Variants in LCOR observed in about 807,000 individuals in gnomAD.
The protein encoded by LCOR is ligand dependent nuclear receptor corepressor.
LCOR carries 14 observed loss-of-function variants against 64.4 expected under a neutral mutation model. The observed-to-expected ratio is 0.22, with a 90% confidence interval of 0.14 to 0.34. The LOEUF (loss-of-function observed/expected upper bound fraction) is 0.34. LCOR is among the 10% of genes least tolerant of loss of function. LCOR has a pLI of 1.00. For synonymous variants in LCOR, 643 were observed against 642.5 expected, an observed-to-expected ratio of 1.00 and a Z score of -0.01; for missense variants, 1,686 against 1,765.3, an observed-to-expected ratio of 0.96 and a Z score of 0.80.
At chr10:96,968,185 T>C (rs1200524376) in intron 7 of LCOR, among the ~76,000 whole-genome samples, 6 of 152,226 alleles carry the variant, frequency 3.9e-5, no homozygotes, top group African/African-American at 1.4e-4. Context: ...GATTAAGTAC[T>C]GTTGATCCCA....
At position 96,987,633 on chromosome 10, in the gene LCOR, C is replaced by T. The variant is rs1033037909; in HGVS notation, c.*2499C>T. 1.3e-5 allele frequency: 2 copies of T among 152,130 alleles called. No homozygotes were observed. Among genetic ancestry groups the T allele is most frequent in the Admixed American group, 6.5e-5 (1 of 15,270 alleles). The allele number at this position is 152,130 out of a possible 1,614,324, so 9.4% of individuals were successfully genotyped here. ...TTTATAATAAGGACATTTAAATAGACCAAGAGTCTACATAATTATGACACT... is the reference window on the plus strand; with the variant it reads ...TTTATAATAAGGACATTTAAATAGATCAAGAGTCTACATAATTATGACACT... On this transcript the variant is annotated 3_prime_UTR_variant, in exon 8 of 8. Coordinates refer to ENST00000421806, the MANE Select transcript of LCOR (RefSeq NM_001346516.2).
At chr10:96,887,509 G>C (rs1407218863) in intron 2 of LCOR, among the ~76,000 whole-genome samples, 1 of 151,196 alleles carries the variant, frequency 6.6e-6, no homozygotes, top group Non-Finnish European at 1.5e-5. Flanking sequence ...CCTGCAGTGA[G>C]CCAAGATCAC....
At chr10:96,872,978 C>T (rs1180394923) in intron 2 of LCOR, among the ~76,000 whole-genome samples, 1 of 151,946 alleles carries the variant, frequency 6.6e-6, no homozygotes, top group Non-Finnish European at 1.5e-5. Context: ...ACCCCAAATC[C>T]CATATGCATA....
At chr10:96,842,931 C>G (rs1267652401) in intron 2 of LCOR, among the ~76,000 whole-genome samples, 1 of 152,016 alleles carries the variant, frequency 6.6e-6, no homozygotes, top group Non-Finnish European at 1.5e-5. Flanking sequence ...ATGGCCCGCC[C>G]CTAGTTTATA....
intron 2 of LCOR, among the ~76,000 whole-genome samples, chr10:96,838,670 T>C (rs1269818065): frequency 6.6e-6 from 1 of 152,240 alleles, no homozygotes; most frequent in African/African-American, 2.4e-5. Context: ...TTGTTTCTTT[T>C]ATGGCTAAAT....
chr10:96,894,801 GTTTCC>G (rs1323090936), intron 2 of LCOR, among the ~76,000 whole-genome samples: 5 of 152,142 alleles, frequency 3.3e-5, no homozygotes, highest in East Asian at 1.9e-4. Flanking sequence ...AAAGGAACCT[GTTTCC>G]TTTCAGAATC....
Position 96,984,364 on chromosome 10 carries a change from C to T in LCOR, c.3904C>T (p.Pro1302Ser). The T allele has an allele frequency of 6.2e-7, 1 of 1,614,166 alleles. No homozygotes were observed. Among genetic ancestry groups the T allele is most frequent in the Non-Finnish European group, 8.5e-7 (1 of 1,180,036 alleles). The change falls in exon 8 of 8, where the codon CCC becomes TCC. Residue 1302 changes from proline to serine, a missense_variant. Coordinates refer to ENST00000421806, the MANE Select transcript of LCOR (RefSeq NM_001346516.2). ...AAACAGTCATCCTCCAGCAAACCTG[C>T]CCACTCCAGCCAGTACCCGGATTCT... The part of the protein sequence containing the change: ...DRNSHPPANL[P>S]TPASTRILRK...
chr10:96,863,771 C>G (rs1845927695), intron 2 of LCOR, among the ~76,000 whole-genome samples: 2 of 152,282 alleles, frequency 1.3e-5, no homozygotes, highest in South Asian at 2.1e-4. Context: ...TGCTAAAATA[C>G]TTTTTCTCTA....
Position 96,982,606 on chromosome 10 carries a change from C to G in LCOR, c.2146C>G (p.Pro716Ala). ...TCAGAGTTCCCCAATGGGCTTGGAG[C>G]CCCCCATGAGTCTGGGAAAGGCTGA... ...ENQSSPMGLE[P>A]PMSLGKAEDN... is the part of the protein sequence containing the mutation. The change falls in exon 8 of 8, where the codon CCC (proline) becomes GCC (alanine). Residue 716 changes from proline (P) to alanine (A), a missense_variant. By Grantham distance (27) the Pro-to-Ala change is conservative (BLOSUM62 -1). Around this residue, in one of 3 missense-constraint regions of LCOR, gnomAD observed 1,293 missense variants for 1,410.4 expected, o/e 0.92. Coordinates refer to ENST00000421806, the MANE Select transcript of LCOR (RefSeq NM_001346516.2). 1.2e-6 allele frequency: 2 copies of G among 1,614,096 alleles called. No individual in the cohort carries two copies. Among genetic ancestry groups the G allele is most frequent in the Non-Finnish European group, 1.7e-6 (2 of 1,180,026 alleles).
At chr10:96,900,742 C>G (rs1048889272) in intron 2 of LCOR, among the ~76,000 whole-genome samples, 7 of 147,208 alleles carry the variant, frequency 4.8e-5, no homozygotes, top group Non-Finnish European at 8.9e-5. Context: ...CCCTTACCCC[C>G]CAGAGTGAAT....
intron 2 of LCOR, among the ~76,000 whole-genome samples, chr10:96,846,855 GAGA>G (rs1453426586): frequency 2.0e-5 from 3 of 152,162 alleles, no homozygotes; most frequent in African/African-American, 7.2e-5. Context: ...TTCTCCTTAG[GAGA>G]AGAACTTCTG....
At position 96,980,922 on chromosome 10, in the gene LCOR, T is replaced by C. The variant is rs1323058809; in HGVS notation, c.462T>C (p.Thr154=). 4.3e-6 allele frequency: 3 copies of C among 703,046 alleles called. No individual in the cohort carries two copies. In the Admixed American group the frequency reaches 6.0e-5, roughly 14 times the overall value. The allele number at this position is 703,046 out of a possible 1,614,324, so 43.6% of individuals were successfully genotyped here. A position where few individuals can be genotyped will look rare whatever the true frequency, so the allele number is the denominator to read the frequency against. ...QFIRVLNDLY[T]ESQPGTEDLQ... ...TTCGTGTTCTGAACGACCTGTACAC[T>C]GAATCTCAACCAGGCACTGAGGACC... The change falls in exon 8 of 8, where the codon ACT becomes ACC. Residue 154 remains threonine (T), a synonymous_variant. Coordinates refer to ENST00000421806, the MANE Select transcript of LCOR (RefSeq NM_001346516.2).
intron 7 of LCOR, chr10:96,955,634 G>C: frequency 1.2e-6 from 2 of 1,614,156 alleles, no homozygotes; most frequent in Non-Finnish European, 1.7e-6. Context: ...GCTCCAAGCA[G>C]CCTCGGAAGA....
At chr10:96,887,671 A>G (rs72819832) in intron 2 of LCOR, among the ~76,000 whole-genome samples, 171 of 150,848 alleles carry the variant, frequency 1.1e-3, no homozygotes, top group Non-Finnish European at 2.1e-3. Context: ...GTTGCAAGCT[A>G]AACTAGCTAC....
In LCOR at chr10:96,984,807, G is replaced by T. The variant is rs1848132420; in HGVS notation, c.4347G>T (p.Lys1449Asn). The change falls in exon 8 of 8, where the codon AAG (lysine) becomes AAT (asparagine). Residue 1449 changes from lysine (K) to asparagine (N), a missense_variant. Physicochemically the swap from Lys to Asn is moderately conservative, Grantham distance 94. Coordinates refer to ENST00000421806, the MANE Select transcript of LCOR (RefSeq NM_001346516.2). The stretch of plus-strand genomic sequence containing the variant: ...ACAGAAGCAGCCAACCCCCCAAAAA[G>T]ACGTCTTTGAAAGAGAATAAAGTGA... Reference protein sequence around the residue: ...ARDRSSQPPKKTSLKENKVKI... With the variant: ...ARDRSSQPPKNTSLKENKVKI... 1 of 1,614,114 alleles carries T rather than the reference G, an allele frequency of 6.2e-7. No homozygotes were observed. Among genetic ancestry groups the T allele is most frequent in the Non-Finnish European group, 8.5e-7 (1 of 1,180,018 alleles).
intron 2 of LCOR, among the ~76,000 whole-genome samples, chr10:96,836,321 T>G (rs1845440603): frequency 6.6e-6 from 1 of 152,158 alleles, no homozygotes; most frequent in South Asian, 2.1e-4. Flanking sequence ...AGGGTTTGGC[T>G]ATGTTGTCCA....
At chr10:96,921,814 GAGA>G (rs1167972345) in intron 4 of LCOR, among the ~76,000 whole-genome samples, 1 of 152,202 alleles carries the variant, frequency 6.6e-6, no homozygotes, top group Non-Finnish European at 1.5e-5. Flanking sequence ...ACCAGTTGCT[GAGA>G]AGAATTGTTT....
At chr10:96,964,869 T>G (rs1293778250) in intron 7 of LCOR, among the ~76,000 whole-genome samples, 1 of 151,880 alleles carries the variant, frequency 6.6e-6, no homozygotes, top group East Asian at 1.9e-4. Flanking sequence ...TTTTGTTTGC[T>G]TTTGTCTTGA....
chr10:96,916,994 T>C (rs555593071), intron 4 of LCOR, among the ~76,000 whole-genome samples: 51 of 152,372 alleles, frequency 3.3e-4, no homozygotes, highest in African/African-American at 1.2e-3. Flanking sequence ...CAGTTAATTG[T>C]ACAAATCTAA....
Sources: gnomAD v4.1 joint callset for allele counts (sites outside exome capture counted in the v4.1 genomes callset) on GRCh38, gnomAD v4.1.1 for gene constraint, gnomAD v4.1.1 regional missense constraint, MANE v1.5 for transcripts, NCBI Gene and HGNC (gene_info 2026-07-23, HGNC 2026-07-21) for gene names.